The following RHBDD1 variants were observed in gnomAD, a reference collection of about 807,000 sequenced individuals.
RHBDD1 encodes rhomboid-related protein 4.
Under a neutral mutation model 36.3 loss-of-function variants are expected in RHBDD1, and 38 were observed. That is an observed-to-expected ratio of 1.05 (90% CI 0.81 to 1.37). The LOEUF is 1.37. Ranked by LOEUF, RHBDD1 falls within the 40% of genes most tolerant of loss-of-function variation. RHBDD1 has a pLI of 0.00. For synonymous variants in RHBDD1, 151 were observed against 136.5 expected (o/e 1.11, Z -0.74); for missense variants, 393 against 377.6 (o/e 1.04, Z -0.34).
chr2:226,845,145 G>A (rs1942085449), intron 3 of RHBDD1, among the ~76,000 whole-genome samples: 1 of 151,870 alleles, frequency 6.6e-6, no homozygotes, highest in Non-Finnish European at 1.5e-5. Flanking sequence ...TCTGCTTTCA[G>A]GTTTCTTCTC....
chr2:226,906,707 T>C, intron 5 of RHBDD1, 86 bp from the exon 6 acceptor site: 1 of 1,604,102 alleles, frequency 6.2e-7, no homozygotes, highest in Admixed American at 1.7e-5. Flanking sequence ...CTGTGACTAT[T>C]TGACATGCAC....
chr2:226,852,307 A>G (rs1040390965), intron 3 of RHBDD1, among the ~76,000 whole-genome samples: 5 of 152,186 alleles, frequency 3.3e-5, no homozygotes, highest in Admixed American at 1.3e-4. Flanking sequence ...CGCCGCAGTA[A>G]TTTTTGTGTT....
intron 8 of RHBDD1, among the ~76,000 whole-genome samples, chr2:226,973,990 A>G (rs1319576120): frequency 6.6e-6 from 1 of 152,162 alleles, no homozygotes; most frequent in Non-Finnish European, 1.5e-5. Context: ...TTTTGTGGGT[A>G]AGAGGCCCAG....
Position 226,864,628 on chromosome 2 carries a change from A to C in RHBDD1, c.-66A>C, listed in dbSNP as rs781609242. On this transcript the variant is annotated 5_prime_UTR_variant, in exon 4 of 9. Transcript: ENST00000392062. ...GGTTCAGCCGTCTGTATATCTCCCC[A>C]GATACCTGAAACTGACCACCTGAGT... The C allele has an allele frequency of 1.1e-5, 14 of 1,314,732 alleles. No homozygotes were observed. The highest frequency in any genetic ancestry group is 1.5e-5 in the Non-Finnish European group (14 of 931,034). 81.4% of individuals were successfully genotyped at this position (1,314,732 alleles called of 1,614,324 possible).
chr2:226,884,530 T>A (rs1008308894), intron 5 of RHBDD1, among the ~76,000 whole-genome samples: 2 of 152,150 alleles, frequency 1.3e-5, no homozygotes, highest in South Asian at 2.1e-4. Context: ...TTTGTAGTCA[T>A]TTATAACACA....
At chr2:226,821,688 G>T in the RHBDD1 span, among the ~76,000 whole-genome samples, 2 of 151,768 alleles carry the variant, frequency 1.3e-5, no homozygotes, top group Non-Finnish European at 2.9e-5. Context: ...TATAGCAAAG[G>T]TGTATATTTC....
At chr2:226,995,359 C>T in intron 8 of RHBDD1, 72 bp from the exon 9 acceptor site, 1 of 921,330 alleles carries the variant, frequency 1.1e-6, no homozygotes, top group Non-Finnish European at 1.8e-6. Flanking sequence ...ACTTTGTTCC[C>T]TTGGAATCCT....
chr2:226,864,757 G>T lies in RHBDD1; in HGVS notation c.64G>T (p.Val22Phe). The T allele has an allele frequency of 6.2e-7, 1 of 1,614,144 alleles. No individual in the cohort carries two copies. Among genetic ancestry groups the T allele is most frequent in the Non-Finnish European group, 8.5e-7 (1 of 1,180,026 alleles). The change falls in exon 4 of 9, where the codon GTT (valine) becomes TTT (phenylalanine). Residue 22 changes from valine (V) to phenylalanine (F), a missense_variant. Coordinates refer to ENST00000392062, the MANE Select transcript of RHBDD1 (RefSeq NM_001167608.3). Reference sequence around the variant, plus strand: ...TCTACTCCTTTCTCAAATCTTCCATGTTGGGATCAACAATATTCCACCTGT... The same window carrying T: ...TCTACTCCTTTCTCAAATCTTCCATTTTGGGATCAACAATATTCCACCTGT... Reference protein sequence around the residue: ...LILLLSQIFHVGINNIPPVTL... With the variant: ...LILLLSQIFHFGINNIPPVTL...
At chr2:226,929,338 G>A (rs1408243786) in intron 8 of RHBDD1, among the ~76,000 whole-genome samples, 1 of 152,030 alleles carries the variant, frequency 6.6e-6, no homozygotes, top group Non-Finnish European at 1.5e-5. Context: ...TAGCAGGAAT[G>A]GTTCAACATT....
chr2:226,801,254 G>T, the RHBDD1 span, among the ~76,000 whole-genome samples: 3 of 152,222 alleles, frequency 2.0e-5, no homozygotes, highest in African/African-American at 7.2e-5. Flanking sequence ...CTGAGGGGCG[G>T]AGCGAGTTTC....
At chr2:226,942,591 A>G (rs1215026803) in intron 8 of RHBDD1, 5 of 319,912 alleles carry the variant, frequency 1.6e-5, no homozygotes. Flanking sequence ...ATGTGTGGCC[A>G]CTATTGATAA....
intron 3 of RHBDD1, among the ~76,000 whole-genome samples, chr2:226,856,790 T>A (rs915048961): frequency 5.3e-5 from 8 of 152,242 alleles, no homozygotes; most frequent in African/African-American, 1.9e-4. Flanking sequence ...AGAGGAAGTT[T>A]TTATGTTTAA....
At chr2:226,860,542 G>C (rs1943757151) in intron 3 of RHBDD1, among the ~76,000 whole-genome samples, 1 of 152,092 alleles carries the variant, frequency 6.6e-6, no homozygotes, top group African/African-American at 2.4e-5. Context: ...GTGCCTCCCT[G>C]GCCCACAGCG....
chr2:226,970,558 G>C (rs1953268354), intron 8 of RHBDD1, among the ~76,000 whole-genome samples: 1 of 152,160 alleles, frequency 6.6e-6, no homozygotes, highest in Non-Finnish European at 1.5e-5. Flanking sequence ...CACTGGTAGA[G>C]GTCCATTTCT....
chr2:226,866,350 G>A (rs1462742395), intron 4 of RHBDD1, among the ~76,000 whole-genome samples: 2 of 152,126 alleles, frequency 1.3e-5, no homozygotes, highest in Non-Finnish European at 2.9e-5. Context: ...GATTACAGGC[G>A]TGAGCCACTG....
At chr2:226,808,596 T>C in the RHBDD1 span, 1 of 152,230 alleles carries the variant, frequency 6.6e-6, no homozygotes, top group South Asian at 2.1e-4. Flanking sequence ...GGTCTCTCCA[T>C]GTGACTTGGA....
At chr2:226,970,922 T>C (rs1217876062) in intron 8 of RHBDD1, among the ~76,000 whole-genome samples, 2 of 152,198 alleles carry the variant, frequency 1.3e-5, no homozygotes, top group African/African-American at 4.8e-5. Flanking sequence ...CTGCCCCACA[T>C]CATTTCAAGT....
At chr2:226,865,676 G>C (rs990148176) in intron 4 of RHBDD1, among the ~76,000 whole-genome samples, 5 of 152,164 alleles carry the variant, frequency 3.3e-5, no homozygotes, top group African/African-American at 9.7e-5. Context: ...TGTGTTCCTT[G>C]CATGCAAATA....
chr2:226,915,206 A>G (rs1051625555), intron 8 of RHBDD1, among the ~76,000 whole-genome samples: 1 of 152,180 alleles, frequency 6.6e-6, no homozygotes, highest in Non-Finnish European at 1.5e-5. Context: ...TTTCATACCT[A>G]GAACTATCAG....
Sources: gnomAD v4.1 joint callset for allele counts (sites outside exome capture counted in the v4.1 genomes callset) on GRCh38, gnomAD v4.1.1 for gene constraint, MANE v1.5 for transcripts, NCBI Gene and HGNC (gene_info 2026-07-23, HGNC 2026-07-21) for gene names.